CSGALNACT1: variants seen among roughly 807,000 people sequenced by gnomAD.
CSGALNACT1 encodes chondroitin sulfate N-acetylgalactosaminyltransferase 1, also known as beta4GalNAcT-1.
In CSGALNACT1, 52 loss-of-function variants were observed where a neutral mutation model predicts 51.0. The observed-to-expected ratio is 1.02, with a 90% CI of 0.82 to 1.29. CSGALNACT1 has a LOEUF of 1.29. Ranked by LOEUF, CSGALNACT1 falls within the 50% of genes most tolerant of loss-of-function variation. The pLI, the probability that CSGALNACT1 is intolerant of heterozygous loss-of-function variation, is 0.00. For synonymous variants in CSGALNACT1, 341 were observed against 254.4 expected (o/e 1.34, Z -3.24); for missense variants, 935 against 679.2 (o/e 1.38, Z -4.19).
chr8:19,662,553 T>C (rs775814850), intron 1 of CSGALNACT1, among the ~76,000 whole-genome samples: 18 of 152,238 alleles, frequency 1.2e-4, no homozygotes, highest in Non-Finnish European at 2.9e-5. Flanking sequence ...TAGTTAACTA[T>C]GCTTTACTAG....
chr8:19,690,517 C>T (rs767096002), intron 1 of CSGALNACT1, among the ~76,000 whole-genome samples: 44 of 152,198 alleles, frequency 2.9e-4, no homozygotes, highest in Admixed American at 2.0e-4. Context: ...AGTTTGACTA[C>T]AGCTTACCAA....
intron 6 of CSGALNACT1, among the ~76,000 whole-genome samples, chr8:19,431,792 C>T (rs911337557): frequency 2.1e-5 from 3 of 142,698 alleles, no homozygotes; most frequent in South Asian, 4.7e-4. Context: ...CTGGGCTTTC[C>T]TCTGTGGAAA....
At chr8:19,735,570 T>C (rs371168511) in intron 1 of CSGALNACT1, among the ~76,000 whole-genome samples, 76 of 152,072 alleles carry the variant, frequency 5.0e-4, no homozygotes, top group African/African-American at 1.7e-3. Context: ...ATTGGAACTA[T>C]CAAAGAAAAA....
At chr8:19,534,810 C>G (rs1418552107) in intron 3 of CSGALNACT1, among the ~76,000 whole-genome samples, 1 of 152,214 alleles carries the variant, frequency 6.6e-6, no homozygotes, top group African/African-American at 2.4e-5. Context: ...TTTGTTAGAA[C>G]TAATCTTGCA....
chr8:19,719,928 A>G (rs2063023679), intron 1 of CSGALNACT1, among the ~76,000 whole-genome samples: 1 of 152,226 alleles, frequency 6.6e-6, no homozygotes, highest in South Asian at 2.1e-4. Flanking sequence ...GAAGCTCACT[A>G]GTTAGGGTCT....
chr8:19,558,539 CTAATTAACATAAATCGAAAT>C (rs1285524824), intron 3 of CSGALNACT1, among the ~76,000 whole-genome samples: 2 of 152,122 alleles, frequency 1.3e-5, no homozygotes, highest in Non-Finnish European at 2.9e-5. Flanking sequence ...ATTTGGAAAG[CTAATTAACATAAATCGAAAT>C]TATATCCTGT....
intron 3 of CSGALNACT1, among the ~76,000 whole-genome samples, chr8:19,564,867 G>A (rs899657587): frequency 6.6e-6 from 1 of 152,192 alleles, no homozygotes; most frequent in Admixed American, 6.5e-5. Flanking sequence ...GTTCAGCACA[G>A]TTTCTCAAGC....
intron 3 of CSGALNACT1, among the ~76,000 whole-genome samples, chr8:19,575,320 A>C (rs574610639): frequency 2.6e-5 from 4 of 152,328 alleles, no homozygotes; most frequent in African/African-American, 9.6e-5. Context: ...AGTCCATCCC[A>C]GAACACTTAA....
In CSGALNACT1 at chr8:19,474,659, G is replaced by A. The variant is rs368430858; in HGVS notation, c.635-16017C>T. Among the ~76,000 whole-genome samples, 12 of 151,734 alleles carry A rather than the reference G, an allele frequency of 7.9e-5. No individual in the cohort carries two copies. In the East Asian group the frequency reaches 1.7e-3, roughly 22 times the overall value. On this transcript the variant is annotated intron_variant, in intron 4 of 9. Coordinates refer to ENST00000454498, the Ensembl canonical transcript of CSGALNACT1. ...CGAGGTGGGTGGATCAATTGAGGTC[G>A]GGAGTTCGAGACCAGCCTAACCAAC...
intron 1 of CSGALNACT1, among the ~76,000 whole-genome samples, chr8:19,623,787 G>A (rs542691362): frequency 7.2e-5 from 11 of 152,340 alleles, no homozygotes; most frequent in Non-Finnish European, 4.4e-5. Flanking sequence ...TTTCGGAGGG[G>A]AAATCTCTAA....
intron 1 of CSGALNACT1, among the ~76,000 whole-genome samples, chr8:19,725,953 A>G (rs2063377568): frequency 6.6e-6 from 1 of 152,124 alleles, no homozygotes; most frequent in African/African-American, 2.4e-5. Context: ...TGTACATTCT[A>G]TGGGTCTGGA....
chr8:19,438,743 A>G (rs935078498), intron 6 of CSGALNACT1, among the ~76,000 whole-genome samples: 1 of 152,224 alleles, frequency 6.6e-6, no homozygotes, highest in Non-Finnish European at 1.5e-5. Flanking sequence ...TTACAAAGAC[A>G]GGTGCAAGAC....
At chr8:19,409,314 T>A (rs1324451079) in intron 8 of CSGALNACT1, among the ~76,000 whole-genome samples, 1 of 152,158 alleles carries the variant, frequency 6.6e-6, no homozygotes, top group Non-Finnish European at 1.5e-5. Context: ...AAAGACTCTG[T>A]CCATTCATCT....
At chr8:19,488,101 G>A (rs906648971) in intron 4 of CSGALNACT1, among the ~76,000 whole-genome samples, 1 of 151,988 alleles carries the variant, frequency 6.6e-6, no homozygotes, top group Admixed American at 6.6e-5. Context: ...TGTAATCCCA[G>A]CACTTTGGGA....
chr8:19,719,528 A>G (rs2062998414), intron 1 of CSGALNACT1, among the ~76,000 whole-genome samples: 1 of 152,228 alleles, frequency 6.6e-6, no homozygotes, highest in Non-Finnish European at 1.5e-5. Context: ...GTTTTCAGAA[A>G]AAAACAACAA....
In CSGALNACT1 at chr8:19,661,104, C is replaced by T. The variant is rs542572170; in HGVS notation, c.-544+21369G>A. Among the ~76,000 whole-genome samples the T allele has an allele frequency of 1.9e-3, 284 of 150,248 alleles. 1 individual carries two copies. The highest frequency in any genetic ancestry group is 6.8e-3 in the African/African-American group (277 of 40,802). On this transcript the variant is annotated intron_variant, in intron 1 of 9. Transcript: ENST00000332246. ...ATTTTTTTTTTTTTTTTAGTAGAGACGGGATTTCACCATGTTGGCCAGGAT... is the reference window on the plus strand; with the variant it reads ...ATTTTTTTTTTTTTTTTAGTAGAGATGGGATTTCACCATGTTGGCCAGGAT...
At chr8:19,743,950 C>T (rs2064478061) in intron 1 of CSGALNACT1, among the ~76,000 whole-genome samples, 1 of 151,920 alleles carries the variant, frequency 6.6e-6, no homozygotes, top group African/African-American at 2.4e-5. Flanking sequence ...GCTACACTGG[C>T]ACTCTAATAA....
intron 6 of CSGALNACT1, among the ~76,000 whole-genome samples, chr8:19,431,311 T>C (rs1402814113): frequency 6.6e-6 from 1 of 152,120 alleles, no homozygotes; most frequent in Non-Finnish European, 1.5e-5. Flanking sequence ...GTTTTTTGTA[T>C]GTGTCCTTTA....
chr8:19,641,121 G>T (rs1179796753), intron 1 of CSGALNACT1, among the ~76,000 whole-genome samples: 1 of 138,478 alleles, frequency 7.2e-6, no homozygotes, highest in Non-Finnish European at 1.5e-5. Flanking sequence ...CAATAATGGT[G>T]ACTGGTCTTT....
Sources: gnomAD v4.1 joint callset for allele counts (sites outside exome capture counted in the v4.1 genomes callset) on GRCh38, gnomAD v4.1.1 for gene constraint, MANE v1.5 for transcripts, NCBI Gene and HGNC (gene_info 2026-07-23, HGNC 2026-07-21) for gene names.